The following DGKI variants were observed in gnomAD, a reference collection of about 807,000 sequenced individuals.
The protein encoded by DGKI is diacylglycerol kinase iota, also known as DAG kinase iota.
Under a neutral mutation model 147.5 loss-of-function variants are expected in DGKI, and 55 were observed. That is an observed-to-expected ratio of 0.37 (90% CI 0.30 to 0.47). The LOEUF (loss-of-function observed/expected upper bound fraction) is 0.47, where lower values mean the gene tolerates loss of function less well. Ranked by LOEUF, DGKI falls within the 20% of genes least tolerant of loss-of-function variation. The probability of loss-of-function intolerance (pLI) is 1.00; values close to 1 mark genes in which losing one functional copy is unlikely to be tolerated. For missense variants in DGKI, 1,007 were observed against 1,323.8 expected (o/e 0.76, Z 3.71); for synonymous variants, 469 against 477.1 (o/e 0.98, Z 0.22).
At chr7:137,517,371 G>A (rs1016336129) in intron 21 of DGKI, among the ~76,000 whole-genome samples, 3 of 134,654 alleles carry the variant, frequency 2.2e-5, no homozygotes, top group African/African-American at 8.1e-5. Flanking sequence ...GAAAGAGGGA[G>A]AGAGAGAGGG....
At chr7:137,609,738 C>A (rs1585282664) in intron 8 of DGKI, 129 bp from the exon 9 acceptor site, 11 of 645,588 alleles carry the variant, frequency 1.7e-5, no homozygotes. Context: ...TTCACACTTC[C>A]AAGCCACTGT....
chr7:137,754,301 T>C (rs977639949), intron 1 of DGKI, among the ~76,000 whole-genome samples: 7 of 152,110 alleles, frequency 4.6e-5, no homozygotes, highest in African/African-American at 1.7e-4. Context: ...GGTCCTTGTG[T>C]CCTCCCCTCC....
chr7:137,724,054 C>A (rs781593096), intron 1 of DGKI, among the ~76,000 whole-genome samples: 2 of 145,200 alleles, frequency 1.4e-5, no homozygotes, highest in Non-Finnish European at 2.9e-5. Flanking sequence ...TGAGCAGACC[C>A]CTACATTAGG....
At chr7:137,638,533 C>CACACATAT (rs1363848547) in intron 6 of DGKI, among the ~76,000 whole-genome samples, 3 of 56,242 alleles carry the variant, frequency 5.3e-5, no homozygotes, top group South Asian at 1.2e-3. Flanking sequence ...TATACACACA[C>CACACATAT]ATATATGTAT....
At chr7:137,458,985 TG>T (rs1814313307) in intron 27 of DGKI, among the ~76,000 whole-genome samples, 1 of 151,562 alleles carries the variant, frequency 6.6e-6, no homozygotes, top group African/African-American at 2.4e-5. Context: ...CTTAAATATT[TG>T]TTATTATGTT....
chr7:137,601,572 T>C (rs1028207550), intron 10 of DGKI, among the ~76,000 whole-genome samples: 1 of 152,238 alleles, frequency 6.6e-6, no homozygotes, highest in Non-Finnish European at 1.5e-5. Flanking sequence ...TGAGCATTTA[T>C]AACCTTGCAG....
intron 1 of DGKI, among the ~76,000 whole-genome samples, chr7:137,712,468 TG>T (rs796974188): frequency 3.3e-5 from 5 of 152,328 alleles, no homozygotes; most frequent in African/African-American, 1.2e-4. Flanking sequence ...CTCAAGAATG[TG>T]CAATAATAAA....
intron 1 of DGKI, among the ~76,000 whole-genome samples, chr7:137,700,878 CAAAT>C (rs143983872): frequency 0.14 from 20,980 of 146,464 alleles, 1,610 homozygotes; most frequent in African/African-American, 0.18. Flanking sequence ...AGCTCCGTCT[CAAAT>C]AAATAAATAA....
At chr7:137,718,441 G>C (rs566473754) in intron 1 of DGKI, among the ~76,000 whole-genome samples, 1 of 152,270 alleles carries the variant, frequency 6.6e-6, no homozygotes, top group South Asian at 2.1e-4. Flanking sequence ...GAAGGGAACC[G>C]CAGCCAGGGA....
chr7:137,685,513 G>GACATTTAA (rs1585369630), intron 2 of DGKI, among the ~76,000 whole-genome samples: 1 of 152,206 alleles, frequency 6.6e-6, no homozygotes, highest in East Asian at 1.9e-4. Context: ...ACATTTAAAA[G>GACATTTAA]AAGATACACA....
At chr7:137,591,968 T>G (rs777169295) in intron 12 of DGKI, among the ~76,000 whole-genome samples, 1 of 152,118 alleles carries the variant, frequency 6.6e-6, no homozygotes, top group Non-Finnish European at 1.5e-5. Flanking sequence ...AGAGGTTCCC[T>G]GCAGTAAAAA....
At chr7:137,407,746 G>T in intron 30 of DGKI, 129 bp downstream of exon 30, 2 of 1,213,964 alleles carry the variant, frequency 1.6e-6, no homozygotes, top group Non-Finnish European at 2.4e-6. Flanking sequence ...CAGGGGCAGA[G>T]TCTGCTAAAA....
intron 10 of DGKI, among the ~76,000 whole-genome samples, chr7:137,604,210 C>G (rs1277733532): frequency 2.0e-5 from 3 of 152,210 alleles, no homozygotes; most frequent in African/African-American, 7.2e-5. Context: ...GTGTCCTCGT[C>G]TACTGACTTC....
intron 1 of DGKI, among the ~76,000 whole-genome samples, chr7:137,735,772 C>T (rs1795004126): frequency 6.6e-6 from 1 of 152,056 alleles, no homozygotes; most frequent in Non-Finnish European, 1.5e-5. Context: ...AAGTTAAGCA[C>T]ACCGATTAGG....
chr7:137,720,904 AC>A (rs1158838251), intron 1 of DGKI, among the ~76,000 whole-genome samples: 3 of 152,242 alleles, frequency 2.0e-5, no homozygotes, highest in Non-Finnish European at 4.4e-5. Flanking sequence ...CTAATCCTCT[AC>A]CCTAGAGGCA....
intron 1 of DGKI, among the ~76,000 whole-genome samples, chr7:137,809,044 C>T (rs867114343): frequency 6.6e-6 from 1 of 152,274 alleles, no homozygotes; most frequent in Middle Eastern, 3.4e-3. Flanking sequence ...AATTGGGGCA[C>T]AGAGAGTTTG....
chr7:137,456,749 G>T (rs930251342), intron 27 of DGKI, among the ~76,000 whole-genome samples: 7 of 152,134 alleles, frequency 4.6e-5, no homozygotes, highest in Non-Finnish European at 1.0e-4. Context: ...AATTTCCTGG[G>T]ATTATTTCAA....
chr7:137,415,536 C>T (rs1449623323), intron 28 of DGKI, among the ~76,000 whole-genome samples: 4 of 152,154 alleles, frequency 2.6e-5, no homozygotes, highest in Non-Finnish European at 5.9e-5. Flanking sequence ...ATCACAGGTC[C>T]AAGAGAACAA....
chr7:137,565,959 T>C (rs918649292), intron 19 of DGKI, among the ~76,000 whole-genome samples: 1 of 152,174 alleles, frequency 6.6e-6, no homozygotes, highest in Non-Finnish European at 1.5e-5. Flanking sequence ...TTTTTCTCAT[T>C]CCAGTAATTC....
Sources: allele counts gnomAD v4.1 joint callset (sites outside exome capture counted in the v4.1 genomes callset), GRCh38; gene constraint gnomAD v4.1.1; transcripts MANE v1.5; gene names NCBI Gene and HGNC (gene_info 2026-07-23, HGNC 2026-07-21).